The following EYS variants were observed in gnomAD, a reference collection of about 807,000 sequenced individuals.
EYS encodes EGF-like photoreceptor maintenance factor, also known as protein eyes shut homolog.
EYS carries 250 observed loss-of-function variants against 282.1 expected under a neutral mutation model. That is an observed-to-expected ratio of 0.89 (90% CI 0.80 to 0.98). The LOEUF (loss-of-function observed/expected upper bound fraction) is 0.98, where lower values mean the gene tolerates loss of function less well. EYS is among the 50% of genes least tolerant of loss of function. The pLI, the probability that EYS is intolerant of heterozygous loss-of-function variation, is 0.00. For synonymous variants in EYS, 1,355 were observed against 1,282.9 expected, an observed-to-expected ratio of 1.06 and a Z score of -1.20; for missense variants, 4,016 against 3,709.0, an observed-to-expected ratio of 1.08 and a Z score of -2.15.
chr6:65,241,056 ATACT>A (rs1462079320), intron 12 of EYS, among the ~76,000 whole-genome samples: 26 of 152,290 alleles, frequency 1.7e-4, no homozygotes, highest in East Asian at 7.7e-4. Context: ...TTAAATACAA[ATACT>A]TACTAATTTC....
chr6:65,691,976 A>G (rs1247001311), intron 1 of EYS, among the ~76,000 whole-genome samples: 1 of 150,006 alleles, frequency 6.7e-6, no homozygotes, highest in East Asian at 2.3e-4. Flanking sequence ...CCTCACTTGT[A>G]TGTTTATTGC....
intron 33 of EYS, among the ~76,000 whole-genome samples, chr6:64,019,708 C>T (rs1025434088): frequency 6.6e-6 from 1 of 151,922 alleles, no homozygotes; most frequent in African/African-American, 2.4e-5. Flanking sequence ...CACGCTCAGC[C>T]TCGTTCTTTC....
chr6:64,310,046 C>CTAT, intron 29 of EYS, among the ~76,000 whole-genome samples: 1 of 140,836 alleles, frequency 7.1e-6, no homozygotes, highest in East Asian at 2.0e-4. Flanking sequence ...GTCCAAATGG[C>CTAT]TATTTATTAA....
intron 22 of EYS, among the ~76,000 whole-genome samples, chr6:64,691,619 T>C (rs557054333): frequency 9.9e-5 from 15 of 152,154 alleles, no homozygotes; most frequent in Non-Finnish European, 2.1e-4. Flanking sequence ...GTGAGCATAG[T>C]ACCCTATAGG....
In EYS at chr6:64,896,373, C is replaced by A. The variant is rs146721142; in HGVS notation, c.2846+5740G>T. 2.4e-3 allele frequency among the ~76,000 whole-genome samples: 370 copies of A among 152,112 alleles called. 2 individuals are homozygous for A. The Middle Eastern group carries it at 0.027, about 11-fold the overall frequency. The stretch of plus-strand genomic sequence containing the variant: ...CCTAACCAAGGGAAGCCCAGAGGGA[C>A]CTTGCTGTGAGGGATGGTGCTATCT... On this transcript the variant is annotated intron_variant, in intron 18 of 42. Transcript: ENST00000503581.
At chr6:64,849,695 G>A (rs1765822289) in intron 19 of EYS, among the ~76,000 whole-genome samples, 1 of 152,012 alleles carries the variant, frequency 6.6e-6, no homozygotes, top group Non-Finnish European at 1.5e-5. Flanking sequence ...TTAGAATCCA[G>A]TTCCTTACAG....
At chr6:64,834,484 TAA>T (rs1394489458) in intron 19 of EYS, among the ~76,000 whole-genome samples, 4 of 151,834 alleles carry the variant, frequency 2.6e-5, no homozygotes, top group Non-Finnish European at 4.4e-5. Flanking sequence ...CTTTAAAGAC[TAA>T]GTCAATTTTG....
chr6:64,814,771 A>T (rs1372191526), intron 21 of EYS, among the ~76,000 whole-genome samples: 1 of 151,998 alleles, frequency 6.6e-6, no homozygotes, highest in Non-Finnish European at 1.5e-5. Flanking sequence ...ATCTTAATGA[A>T]CCTAAACCAA....
chr6:64,120,388 A>T (rs1773543442), intron 31 of EYS, among the ~76,000 whole-genome samples: 1 of 150,402 alleles, frequency 6.6e-6, no homozygotes. Context: ...AAAAAGAAAA[A>T]CTTATATCTT....
intron 29 of EYS, among the ~76,000 whole-genome samples, chr6:64,312,942 G>A (rs1257634575): frequency 2.0e-5 from 2 of 98,940 alleles, no homozygotes; most frequent in African/African-American, 6.4e-5. Flanking sequence ...AGTGCAAAAG[G>A]CTGAAAATTC....
intron 12 of EYS, among the ~76,000 whole-genome samples, chr6:65,058,238 C>T (rs1373711540): frequency 2.0e-5 from 3 of 152,018 alleles, no homozygotes; most frequent in Non-Finnish European, 2.9e-5. Flanking sequence ...GCAACCTCTG[C>T]CTCCCGGGTT....
chr6:64,623,429 T>C lies in EYS; in HGVS notation c.3568+2692A>G, dbSNP rs12663363. On this transcript the variant is annotated intron_variant, in intron 23 of 42. Coordinates refer to ENST00000503581, the MANE Select transcript of EYS (RefSeq NM_001142800.2). Reference sequence around the variant, plus strand: ...CAGTGGTTCTGGGACTCTGTTTCCTTATTAGAAAAATTAGGTAAAATGAGA... The same window carrying C: ...CAGTGGTTCTGGGACTCTGTTTCCTCATTAGAAAAATTAGGTAAAATGAGA... 7.2e-5 allele frequency among the ~76,000 whole-genome samples: 11 copies of C among 152,288 alleles called. No homozygotes were observed. The East Asian group carries it at 2.1e-3, about 29-fold the overall frequency.
chr6:64,209,859 C>A (rs1196845451), intron 31 of EYS, among the ~76,000 whole-genome samples: 1 of 152,130 alleles, frequency 6.6e-6, no homozygotes, highest in Non-Finnish European at 1.5e-5. Context: ...AGTCCAGTAT[C>A]ATTTCTATAC....
chr6:64,518,673 T>C (rs1158148762), intron 26 of EYS, among the ~76,000 whole-genome samples: 2 of 151,464 alleles, frequency 1.3e-5, no homozygotes, highest in African/African-American at 4.8e-5. Flanking sequence ...ATAATCTCCG[T>C]GTGTCATGGG....
intron 36 of EYS, among the ~76,000 whole-genome samples, chr6:63,851,424 A>G (rs1268788556): frequency 6.6e-6 from 1 of 152,204 alleles, no homozygotes; most frequent in Non-Finnish European, 1.5e-5. Context: ...AATTGGAAGT[A>G]AAGCACCCCT....
chr6:63,981,750 G>A (rs1767107484), intron 35 of EYS, among the ~76,000 whole-genome samples: 2 of 151,868 alleles, frequency 1.3e-5, no homozygotes, highest in South Asian at 4.1e-4. Flanking sequence ...GTGAGATAAT[G>A]TACGTGATGA....
intron 2 of EYS, among the ~76,000 whole-genome samples, chr6:65,627,264 T>C (rs866623260): frequency 1.3e-5 from 2 of 152,210 alleles, no homozygotes; most frequent in Non-Finnish European, 1.5e-5. Flanking sequence ...AGAGAAAATA[T>C]CCCAGTGAAC....
chr6:65,441,728 C>G (rs1295335641), intron 5 of EYS, among the ~76,000 whole-genome samples: 1 of 152,006 alleles, frequency 6.6e-6, no homozygotes, highest in African/African-American at 2.4e-5. Context: ...CCTAAAAACA[C>G]AGAACTGTAG....
chr6:64,214,146 A>G (rs899566857), intron 31 of EYS, among the ~76,000 whole-genome samples: 3 of 152,158 alleles, frequency 2.0e-5, no homozygotes, highest in African/African-American at 7.2e-5. Context: ...TTGTGTAAGA[A>G]GAAAAATTCA....
Sources: gnomAD v4.1 joint callset for allele counts (sites outside exome capture counted in the v4.1 genomes callset) on GRCh38, gnomAD v4.1.1 for gene constraint, MANE v1.5 for transcripts, NCBI Gene and HGNC (gene_info 2026-07-23, HGNC 2026-07-21) for gene names.